The following MYO16 variants were observed in gnomAD, a reference collection of about 807,000 sequenced individuals.
MYO16 encodes the protein unconventional myosin-XVI.
A neutral mutation model predicts 205.3 loss-of-function variants in MYO16; 94 were observed. That is an observed-to-expected ratio of 0.46 (90% CI 0.39 to 0.54). The LOEUF (loss-of-function observed/expected upper bound fraction) is 0.54, where lower values mean the gene tolerates loss of function less well. Ranked by LOEUF, MYO16 falls within the 20% of genes least tolerant of loss-of-function variation. The pLI is 0.00. For missense variants in MYO16, 2,315 were observed against 2,387.5 expected (o/e 0.97, Z 0.63); for synonymous variants, 988 against 954.0 (o/e 1.04, Z -0.66).
chr13:109,144,026 C>CTTT (rs11347920), intron 32 of MYO16, among the ~76,000 whole-genome samples: 1 of 143,792 alleles, frequency 7.0e-6, no homozygotes, highest in African/African-American at 2.6e-5. Flanking sequence ...TATAATAATT[C>CTTT]TTTTTTTTTT....
At chr13:108,901,921 T>C (rs1594382241) in intron 15 of MYO16, among the ~76,000 whole-genome samples, 1 of 152,344 alleles carries the variant, frequency 6.6e-6, no homozygotes. Context: ...GAATCAGTTG[T>C]TTCCTGGTTT....
intron 9 of MYO16, among the ~76,000 whole-genome samples, chr13:108,840,931 C>A (rs1877210595): frequency 6.6e-6 from 1 of 152,186 alleles, no homozygotes; most frequent in Non-Finnish European, 1.5e-5. Context: ...TGTTTTCATG[C>A]ATGACACAAG....
At chr13:108,565,690 G>T in the MYO16 span, among the ~76,000 whole-genome samples, 3 of 151,938 alleles carry the variant, frequency 2.0e-5, no homozygotes, top group African/African-American at 7.3e-5. Flanking sequence ...GTGTCTGATT[G>T]CTCTAGCTAG....
chr13:108,652,552 C>T (rs1454396602), intron 1 of MYO16, among the ~76,000 whole-genome samples: 1 of 152,176 alleles, frequency 6.6e-6, no homozygotes, highest in Non-Finnish European at 1.5e-5. Flanking sequence ...ACCCATTCAA[C>T]GTCAACTCTC....
the MYO16 span, among the ~76,000 whole-genome samples, chr13:108,584,153 C>T: frequency 6.6e-6 from 1 of 152,022 alleles, no homozygotes; most frequent in Admixed American, 6.5e-5. Flanking sequence ...CGAGTTTTCA[C>T]CGGGTTAGCC....
chr13:108,533,118 G>A, the MYO16 span, among the ~76,000 whole-genome samples: 698 of 152,302 alleles, frequency 4.6e-3, 5 homozygotes, highest in African/African-American at 0.016. Context: ...TTGGAATGGT[G>A]GTGAGGGGAG....
Position 108,823,118 on chromosome 13 carries a change from CTT to C in MYO16, c.944-6_944-5del, listed in dbSNP as rs1325588240. 3 of 1,602,802 alleles carry C rather than the reference CTT, an allele frequency of 1.9e-6. No homozygotes were observed. The highest frequency in any genetic ancestry group is 1.3e-5 in the African/African-American group (1 of 74,414). On this transcript the variant is annotated splice_region_variant and splice_polypyrimidine_tract_variant and intron_variant, in intron 8 of 34. Transcript: ENST00000457511. Reference sequence around the variant, plus strand: ...TTTTTCTGATTTTTCTTATTTTTTTCTTGTAGATATTGCTGCCTCTGAGTTTA... The same window carrying C: ...TTTTTCTGATTTTTCTTATTTTTTTCGTAGATATTGCTGCCTCTGAGTTTA...
At chr13:108,657,575 C>T (rs1881301087) in intron 1 of MYO16, among the ~76,000 whole-genome samples, 1 of 152,018 alleles carries the variant, frequency 6.6e-6, no homozygotes, top group Non-Finnish European at 1.5e-5. Context: ...CATTTGTAAA[C>T]TTAATCAATG....
chr13:108,498,302 T>G, the MYO16 span, among the ~76,000 whole-genome samples: 1 of 152,122 alleles, frequency 6.6e-6, no homozygotes, highest in Non-Finnish European at 1.5e-5. Context: ...GGCGAAGAGG[T>G]CCAGAAGACT....
chr13:108,751,060 T>TACAC (rs1327217733), intron 4 of MYO16, among the ~76,000 whole-genome samples: 15 of 84,232 alleles, frequency 1.8e-4, no homozygotes, highest in South Asian at 6.5e-4. Flanking sequence ...TATATGTGTG[T>TACAC]TCACACACAC....
At chr13:108,992,201 G>A (rs1205978993) in intron 20 of MYO16, among the ~76,000 whole-genome samples, 175 bp from the exon 21 acceptor site, 1 of 151,936 alleles carries the variant, frequency 6.6e-6, no homozygotes, top group East Asian at 1.9e-4. Context: ...AGTTTTGGGG[G>A]GGCTAACTTT....
intron 12 of MYO16, among the ~76,000 whole-genome samples, chr13:108,871,322 T>TTGTG (rs58117690): frequency 0.1 from 13,217 of 131,278 alleles, 761 homozygotes; most frequent in Middle Eastern, 0.18. Context: ...CTATGTGACT[T>TTGTG]TGTGTGTGTG....
At chr13:108,898,343 GGTGTGTGAGT>G (rs1457281188) in intron 15 of MYO16, among the ~76,000 whole-genome samples, 18 of 67,458 alleles carry the variant, frequency 2.7e-4, no homozygotes, top group Middle Eastern at 6.2e-3. Context: ...CTCAGTTGAG[GGTGTGTGAGT>G]GTGTGTGTGT....
intron 27 of MYO16, among the ~76,000 whole-genome samples, chr13:109,062,977 A>G (rs1887636650): frequency 6.6e-6 from 1 of 152,222 alleles, no homozygotes; most frequent in African/African-American, 2.4e-5. Context: ...TTCATTAAGT[A>G]TACAAGAAAG....
chr13:109,057,379 GT>G (rs375664606), intron 27 of MYO16, among the ~76,000 whole-genome samples: 157 of 152,272 alleles, frequency 1.0e-3, no homozygotes, highest in African/African-American at 3.4e-3. Context: ...CAAGATATTT[GT>G]GTTTAAAATT....
At chr13:108,799,622 A>G (rs543376771) in intron 6 of MYO16, among the ~76,000 whole-genome samples, 97 of 152,300 alleles carry the variant, frequency 6.4e-4, no homozygotes, top group African/African-American at 2.0e-3. Context: ...GTCGAAGAAA[A>G]TAAAGCTATT....
Position 109,125,413 on chromosome 13 carries a change from C to A in MYO16, c.3782+55C>A. 6.3e-7 allele frequency: 1 copy of A among 1,594,188 alleles called. No individual in the cohort carries two copies. The highest frequency in any genetic ancestry group is 8.6e-7 in the Non-Finnish European group (1 of 1,168,358). On this transcript the variant is annotated intron_variant, in intron 30 of 34. Transcript: ENST00000457511. The surrounding 1 kb of genome is among the most constrained non-coding windows in gnomAD (Gnocchi z 4.0). ...ACCTTTGTGATTGGTTCAGTGGAGT[C>A]ATGAAAATTCAAATAGCCCTTAATG...
intron 27 of MYO16, among the ~76,000 whole-genome samples, chr13:109,059,044 A>G (rs994843448): frequency 6.6e-6 from 1 of 152,102 alleles, no homozygotes; most frequent in Non-Finnish European, 1.5e-5. Flanking sequence ...TCACATCTCC[A>G]GGCTCCACTT....
chr13:108,549,736 G>T, the MYO16 span, among the ~76,000 whole-genome samples: 6 of 152,016 alleles, frequency 3.9e-5, no homozygotes, highest in Non-Finnish European at 5.9e-5. Context: ...ACAACTTTCA[G>T]ATTATGGTAA....
Sources: allele counts gnomAD v4.1 joint callset (sites outside exome capture counted in the v4.1 genomes callset), GRCh38; gene constraint gnomAD v4.1.1; non-coding constraint Gnocchi (gnomAD v3.1); transcripts MANE v1.5; gene names NCBI Gene and HGNC (gene_info 2026-07-23, HGNC 2026-07-21).